The following NPAS3 variants were observed in gnomAD, a reference collection of about 807,000 sequenced individuals.
The protein encoded by NPAS3 is neuronal PAS domain protein 3, also known as neuronal PAS domain-containing protein 3.
A neutral mutation model predicts 73.1 loss-of-function variants in NPAS3; 14 were observed. The ratio of observed to expected loss-of-function variants is 0.19; its 90% CI spans 0.13 to 0.30. The LOEUF is 0.30. Ranked by LOEUF, NPAS3 falls within the 10% of genes least tolerant of loss-of-function variation. The pLI is 1.00. For missense variants in NPAS3, 1,096 were observed against 1,250.0 expected, an observed-to-expected ratio of 0.88 and a Z score of 1.86; for synonymous variants, 620 against 541.5, an observed-to-expected ratio of 1.14 and a Z score of -2.01.
At chr14:33,664,196 G>A (rs1448714136) in intron 5 of NPAS3, among the ~76,000 whole-genome samples, 4 of 152,104 alleles carry the variant, frequency 2.6e-5, no homozygotes, top group Admixed American at 2.6e-4. Flanking sequence ...ACAGAACAGT[G>A]GCCTCAGAAA....
chr14:33,538,370 C>T (rs2054351818), intron 4 of NPAS3, among the ~76,000 whole-genome samples: 1 of 152,212 alleles, frequency 6.6e-6, no homozygotes, highest in Non-Finnish European at 1.5e-5. Context: ...CTTCTTCTCC[C>T]TGCTCTGTTG....
chr14:33,679,365 G>C (rs895268498), intron 6 of NPAS3, among the ~76,000 whole-genome samples: 28 of 152,212 alleles, frequency 1.8e-4, no homozygotes, highest in Non-Finnish European at 3.8e-4. Flanking sequence ...CACTAATGCA[G>C]ATGATGGCTC....
chr14:33,799,928 A>C (rs1422906072), exon 12 of NPAS3: 1 of 1,614,140 alleles, frequency 6.2e-7, no homozygotes, highest in Non-Finnish European at 8.5e-7. Flanking sequence ...TGAGAACCCC[A>C]AGGCGGGCGA....
chr14:33,500,641 C>G (rs932172523), intron 4 of NPAS3, among the ~76,000 whole-genome samples: 2 of 151,886 alleles, frequency 1.3e-5, no homozygotes, highest in African/African-American at 4.8e-5. Context: ...AGATATGATT[C>G]TTGTCTGGCT....
chr14:33,173,324 G>A (rs1269085481), intron 2 of NPAS3, among the ~76,000 whole-genome samples: 1 of 152,112 alleles, frequency 6.6e-6, no homozygotes, highest in Non-Finnish European at 1.5e-5. Context: ...TAATATTAAT[G>A]ATAAATGTAT....
intron 2 of NPAS3, among the ~76,000 whole-genome samples, chr14:33,140,799 T>C (rs902581097): frequency 1.3e-5 from 2 of 152,094 alleles, no homozygotes; most frequent in Non-Finnish European, 2.9e-5. Flanking sequence ...TGAGAAGTGT[T>C]ATGGGAGGGA....
chr14:33,587,497 T>C (rs757933834), intron 5 of NPAS3, among the ~76,000 whole-genome samples: 1 of 152,176 alleles, frequency 6.6e-6, no homozygotes, highest in Non-Finnish European at 1.5e-5. Context: ...ACATGGGAAT[T>C]ATAGTGGAAT....
At chr14:33,314,663 A>T (rs2043137972) in intron 3 of NPAS3, among the ~76,000 whole-genome samples, 1 of 152,058 alleles carries the variant, frequency 6.6e-6, no homozygotes, top group African/African-American at 2.4e-5. Context: ...CTGCATCAGG[A>T]TATTAAAAAC....
chr14:33,457,378 A>T (rs1343880397), intron 4 of NPAS3, among the ~76,000 whole-genome samples: 1 of 152,216 alleles, frequency 6.6e-6, no homozygotes, highest in Non-Finnish European at 1.5e-5. Context: ...GAGAATGAAA[A>T]GAGATTTTAC....
chr14:33,417,393 T>C (rs1261844474), intron 4 of NPAS3, among the ~76,000 whole-genome samples: 1 of 152,028 alleles, frequency 6.6e-6, no homozygotes, highest in Non-Finnish European at 1.5e-5. Context: ...ACATGGACCC[T>C]TATCTGTTCC....
intron 3 of NPAS3, among the ~76,000 whole-genome samples, chr14:33,225,398 G>C (rs2047591657): frequency 6.6e-6 from 1 of 152,202 alleles, no homozygotes; most frequent in Non-Finnish European, 1.5e-5. Flanking sequence ...GTCAAAGAGT[G>C]CCTAAAAGGC....
chr14:33,736,002 C>T lies in NPAS3; in HGVS notation c.852+670C>T, dbSNP rs114257345. 3.2e-3 allele frequency among the ~76,000 whole-genome samples: 480 copies of T among 152,266 alleles called. 1 individual carries two copies. Among genetic ancestry groups the T allele is most frequent in the African/African-American group, 0.011 (441 of 41,554 alleles). ...TCCAATGTTTCAGTTACTATAGCAA[C>T]GTAAATTAAGACCTATGAAATTCAT... On this transcript the variant is annotated intron_variant, in intron 7 of 11. Transcript: ENST00000356141.
intron 3 of NPAS3, among the ~76,000 whole-genome samples, chr14:33,338,159 T>C (rs1170888726): frequency 6.6e-6 from 1 of 152,136 alleles, no homozygotes; most frequent in Non-Finnish European, 1.5e-5. Context: ...TTGATGTAGC[T>C]TCAAGGCAAA....
intron 4 of NPAS3, among the ~76,000 whole-genome samples, chr14:33,392,225 T>C (rs908743891): frequency 3.3e-5 from 5 of 152,266 alleles, no homozygotes; most frequent in African/African-American, 9.6e-5. Flanking sequence ...AAATTACCCC[T>C]GGATTGTAAC....
chr14:33,386,070 A>ATT (rs5807722), intron 4 of NPAS3, among the ~76,000 whole-genome samples: 5 of 148,392 alleles, frequency 3.4e-5, no homozygotes, highest in East Asian at 2.0e-4. Context: ...GTAATTGAGA[A>ATT]TTTTTTTTTT....
intron 2 of NPAS3, among the ~76,000 whole-genome samples, chr14:33,144,214 T>C (rs1288916064): frequency 1.3e-5 from 2 of 152,146 alleles, no homozygotes; most frequent in Admixed American, 6.5e-5. Context: ...CCAATACTTA[T>C]TTTTCATGTT....
At chr14:33,249,710 G>A (rs1195492791) in intron 3 of NPAS3, among the ~76,000 whole-genome samples, 1 of 151,986 alleles carries the variant, frequency 6.6e-6, no homozygotes, top group East Asian at 1.9e-4. Context: ...GTTCAGTTTT[G>A]TCATCAATTG....
intron 6 of NPAS3, among the ~76,000 whole-genome samples, chr14:33,678,354 C>T (rs1421385225): frequency 6.6e-6 from 1 of 151,176 alleles, no homozygotes; most frequent in African/African-American, 2.5e-5. Context: ...TGATTTACTC[C>T]TTCTTCCCTA....
chr14:33,458,651 GT>G (rs2050123641), intron 4 of NPAS3, among the ~76,000 whole-genome samples: 1 of 152,202 alleles, frequency 6.6e-6, no homozygotes. Context: ...AGCAGTTGCA[GT>G]TGTGCTGTCT....
Sources: allele counts gnomAD v4.1 joint callset (sites outside exome capture counted in the v4.1 genomes callset), GRCh38; gene constraint gnomAD v4.1.1; transcripts MANE v1.5; gene names NCBI Gene and HGNC (gene_info 2026-07-23, HGNC 2026-07-21).